Variants in SH3D19 observed in about 807,000 individuals in gnomAD.
The protein encoded by SH3D19 is SH3 domain containing 19.
In SH3D19, 58 loss-of-function variants were observed where a neutral mutation model predicts 112.1. The ratio of observed to expected loss-of-function variants is 0.52; its 90% CI spans 0.42 to 0.64. SH3D19 has a LOEUF of 0.64. SH3D19 is among the 30% of genes least tolerant of loss of function. The pLI, the probability that SH3D19 is intolerant of heterozygous loss-of-function variation, is 0.00. For missense variants in SH3D19, 1,090 were observed against 1,263.4 expected, an observed-to-expected ratio of 0.86 and a Z score of 2.08; for synonymous variants, 391 against 448.5, an observed-to-expected ratio of 0.87 and a Z score of 1.62.
chr4:151,228,926 C>A (rs1211735437), intron 1 of SH3D19, among the ~76,000 whole-genome samples: 2 of 151,654 alleles, frequency 1.3e-5, no homozygotes, highest in African/African-American at 4.8e-5. Context: ...GCAATCACAG[C>A]TCACTGCAGC....
At chr4:151,219,352 G>A (rs1767659333) in intron 2 of SH3D19, among the ~76,000 whole-genome samples, 2 of 151,900 alleles carry the variant, frequency 1.3e-5, no homozygotes, top group South Asian at 4.2e-4. Context: ...TGACCCCCAC[G>A]CCCTGCTCTT....
chr4:151,226,992 C>T (rs112910283), intron 1 of SH3D19, among the ~76,000 whole-genome samples: 11 of 152,096 alleles, frequency 7.2e-5, no homozygotes, highest in African/African-American at 2.2e-4. Flanking sequence ...AGTAAAAGGC[C>T]GCAGTGTTAT....
intron 12 of SH3D19, among the ~76,000 whole-genome samples, chr4:151,143,222 C>G (rs1462293266): frequency 6.7e-6 from 1 of 148,510 alleles, no homozygotes; most frequent in Non-Finnish European, 1.5e-5. Flanking sequence ...AGAGTGAGAC[C>G]TTATCTCAAA....
At chr4:151,273,748 C>T (rs573870716) in intron 1 of SH3D19, among the ~76,000 whole-genome samples, 1 of 152,150 alleles carries the variant, frequency 6.6e-6, no homozygotes, top group African/African-American at 2.4e-5. Context: ...GAATAATAAG[C>T]TACCTTTACT....
intron 2 of SH3D19, among the ~76,000 whole-genome samples, chr4:151,205,473 T>G (rs1292074069): frequency 1.3e-5 from 2 of 152,186 alleles, no homozygotes; most frequent in African/African-American, 2.4e-5. Context: ...GTGAGGAGTC[T>G]GGGGGTCTGA....
At chr4:151,317,718 A>G (rs1330570693) in intron 1 of SH3D19, among the ~76,000 whole-genome samples, 1 of 152,210 alleles carries the variant, frequency 6.6e-6, no homozygotes, top group Admixed American at 6.5e-5. Context: ...TCACACCTAT[A>G]ATCCCAGCAC....
At chr4:151,230,051 TA>T (rs1444472894) in intron 1 of SH3D19, among the ~76,000 whole-genome samples, 1 of 152,148 alleles carries the variant, frequency 6.6e-6, no homozygotes, top group Non-Finnish European at 1.5e-5. Context: ...GAAGAACAGT[TA>T]GGGGAGTGGT....
At chr4:151,161,572 G>A (rs960615974) in intron 8 of SH3D19, among the ~76,000 whole-genome samples, 1 of 150,746 alleles carries the variant, frequency 6.6e-6, no homozygotes. Context: ...TAAATTACCT[G>A]CCATTTAAAG....
intron 3 of SH3D19, among the ~76,000 whole-genome samples, chr4:151,180,057 T>G (rs1760601260): frequency 6.6e-6 from 1 of 152,114 alleles, no homozygotes; most frequent in East Asian, 1.9e-4. Context: ...TAATTTTTTG[T>G]ATGTTTCGCA....
At chr4:151,235,104 A>G (rs1399855764) in intron 1 of SH3D19, among the ~76,000 whole-genome samples, 3 of 151,808 alleles carry the variant, frequency 2.0e-5, no homozygotes, top group Non-Finnish European at 4.4e-5. Context: ...ACATGTTTCA[A>G]AGGGGTTTGG....
At chr4:151,307,981 C>T (rs1224032626) in intron 1 of SH3D19, among the ~76,000 whole-genome samples, 1 of 152,226 alleles carries the variant, frequency 6.6e-6, no homozygotes, top group Non-Finnish European at 1.5e-5. Flanking sequence ...TGCGATCTCA[C>T]TGCAACCTCC....
At chr4:151,222,347 A>T (rs1249233842) in intron 2 of SH3D19, among the ~76,000 whole-genome samples, 1 of 152,198 alleles carries the variant, frequency 6.6e-6, no homozygotes, top group Non-Finnish European at 1.5e-5. Context: ...AATTATTAAC[A>T]GTTTCCAATA....
chr4:151,287,213 T>C (rs1312674438), intron 1 of SH3D19, among the ~76,000 whole-genome samples: 1 of 151,132 alleles, frequency 6.6e-6, no homozygotes, highest in African/African-American at 2.4e-5. Flanking sequence ...TGGTGGCTCA[T>C]GCCTGTAATC....
chr4:151,148,470 G>A (rs771535204), intron 10 of SH3D19, among the ~76,000 whole-genome samples: 1 of 151,996 alleles, frequency 6.6e-6, no homozygotes, highest in Admixed American at 6.6e-5. Context: ...TTACTATCAC[G>A]GGCTCTCTAA....
intron 2 of SH3D19, among the ~76,000 whole-genome samples, chr4:151,189,802 T>C (rs1762357865): frequency 6.6e-6 from 1 of 152,126 alleles, no homozygotes; most frequent in South Asian, 2.1e-4. Context: ...AACAGGCTAA[T>C]ACAGTAAATT....
intron 7 of SH3D19, among the ~76,000 whole-genome samples, chr4:151,172,004 A>G (rs2149820080): frequency 1.3e-5 from 2 of 152,270 alleles, no homozygotes; most frequent in Middle Eastern, 3.4e-3. Context: ...GTATTTTCAG[A>G]TCTCTATTTC....
intron 7 of SH3D19, among the ~76,000 whole-genome samples, chr4:151,170,032 G>A (rs1192703089): frequency 6.6e-6 from 1 of 152,136 alleles, no homozygotes; most frequent in Non-Finnish European, 1.5e-5. Flanking sequence ...CTGAAGAGAA[G>A]TCATAAATGT....
rs528731287 is a variant in SH3D19 at position 151,172,644 on chromosome 4, A to G, written c.1534+2026T>C. 4.6e-5 allele frequency among the ~76,000 whole-genome samples: 7 copies of G among 152,340 alleles called. No homozygotes were observed. In the South Asian group the frequency reaches 1.5e-3, roughly 32 times the overall value. On this transcript the variant is annotated intron_variant, in intron 7 of 19. Transcript: ENST00000604030. ...AACCCTTGCAATACCCTAGGTGAGG[A>G]GTAGTATTACGTCTAAACAAATGAG... is the stretch of plus-strand genomic sequence containing the variant.
At chr4:151,320,634 C>T in intron 1 of SH3D19, among the ~76,000 whole-genome samples, 1 of 152,018 alleles carries the variant, frequency 6.6e-6, no homozygotes, top group East Asian at 1.9e-4. Context: ...ATTTGTAACA[C>T]ACATAACCAA....
Sources: allele counts gnomAD v4.1 joint callset (sites outside exome capture counted in the v4.1 genomes callset), GRCh38; gene constraint gnomAD v4.1.1; transcripts MANE v1.5; gene names NCBI Gene and HGNC (gene_info 2026-07-23, HGNC 2026-07-21).